Variants in SAMD13 observed in about 807,000 individuals in gnomAD.
The protein encoded by SAMD13 is sterile alpha motif domain-containing protein 13.
In SAMD13, 9 loss-of-function variants were observed where a neutral mutation model predicts 12.4. The ratio of observed to expected loss-of-function variants is 0.72; its 90% CI spans 0.44 to 1.26. The LOEUF is 1.26. SAMD13 is among the 50% of genes most tolerant of loss of function. SAMD13 has a pLI of 0.00. For missense variants in SAMD13, 84 were observed against 119.6 expected (o/e 0.70, Z 1.39); for synonymous variants, 46 against 45.4 (o/e 1.01, Z -0.05).
chr1:84,299,547 A>G (rs1475781064), upstream of SAMD13: 2 of 1,413,444 alleles, frequency 1.4e-6, no homozygotes, highest in African/African-American at 1.4e-5. Flanking sequence ...TACACCACAT[A>G]GTGCACACAT....
At chr1:84,345,447 T>C (rs1679515247) in intron 3 of SAMD13, among the ~76,000 whole-genome samples, 1 of 152,202 alleles carries the variant, frequency 6.6e-6, no homozygotes, top group Non-Finnish European at 1.5e-5. Context: ...CCAGATGTTG[T>C]GTAAGAACCT....
intron 2 of SAMD13, among the ~76,000 whole-genome samples, chr1:84,316,044 C>A (rs1051999919): frequency 6.6e-6 from 1 of 151,934 alleles, no homozygotes; most frequent in Non-Finnish European, 1.5e-5. Context: ...TTATGTCCTT[C>A]GACCATTTTT....
intron 3 of SAMD13, among the ~76,000 whole-genome samples, chr1:84,346,775 T>C (rs1679544296): frequency 6.6e-6 from 1 of 152,226 alleles, no homozygotes; most frequent in Non-Finnish European, 1.5e-5. Context: ...CAAGGAACTT[T>C]CCTGTGTGTA....
intron 3 of SAMD13, among the ~76,000 whole-genome samples, chr1:84,328,147 G>A (rs757922868): frequency 9.2e-5 from 14 of 152,276 alleles, no homozygotes; most frequent in Admixed American, 2.0e-4. Context: ...GGGGGCACAC[G>A]ATGGTCTCTG....
chr1:84,332,604 AG>A (rs749475841), intron 3 of SAMD13, among the ~76,000 whole-genome samples: 1 of 151,904 alleles, frequency 6.6e-6, no homozygotes, highest in Non-Finnish European at 1.5e-5. Flanking sequence ...TGTTGATTTA[AG>A]TTTCTTATAG....
At chr1:84,324,712 G>A (rs1679018774) in intron 2 of SAMD13, among the ~76,000 whole-genome samples, 1 of 152,154 alleles carries the variant, frequency 6.6e-6, no homozygotes, top group Non-Finnish European at 1.5e-5. Flanking sequence ...CTTGGATGAG[G>A]TATAGAGAAA....
chr1:84,305,680 G>C (rs966009671), intron 2 of SAMD13, among the ~76,000 whole-genome samples: 9 of 152,142 alleles, frequency 5.9e-5, no homozygotes, highest in African/African-American at 1.9e-4. Context: ...TTTGTTTGTA[G>C]TGTGAGATAA....
chr1:84,312,975 A>AT (rs1678747036), intron 2 of SAMD13, among the ~76,000 whole-genome samples: 2 of 152,152 alleles, frequency 1.3e-5, no homozygotes, highest in Non-Finnish European at 2.9e-5. Context: ...GCTCTGAATC[A>AT]TATAGATAGA....
chr1:84,337,260 C>T (rs1461043542), intron 3 of SAMD13, among the ~76,000 whole-genome samples: 1 of 152,170 alleles, frequency 6.6e-6, no homozygotes, highest in African/African-American at 2.4e-5. Context: ...GGAGCTCCCA[C>T]CCCACATTTC....
intron 3 of SAMD13, among the ~76,000 whole-genome samples, chr1:84,329,031 G>A (rs1051630771): frequency 6.6e-6 from 1 of 152,102 alleles, no homozygotes; most frequent in Non-Finnish European, 1.5e-5. Flanking sequence ...AAACTCTTAT[G>A]TTGAAAACCT....
At chr1:84,319,623 A>C (rs1011318005) in intron 2 of SAMD13, among the ~76,000 whole-genome samples, 2 of 142,178 alleles carry the variant, frequency 1.4e-5, no homozygotes, top group Admixed American at 7.0e-5. Flanking sequence ...TGACAGGAAA[A>C]GAAAAAAAAA....
At chr1:84,343,833 A>T (rs1461832009) in intron 3 of SAMD13, among the ~76,000 whole-genome samples, 1 of 152,210 alleles carries the variant, frequency 6.6e-6, no homozygotes, top group Non-Finnish European at 1.5e-5. Flanking sequence ...AAACCTGCAC[A>T]TCCTGCACAT....
At chr1:84,328,060 C>A (rs6675490) in intron 3 of SAMD13, among the ~76,000 whole-genome samples, 11,021 of 152,162 alleles carry the variant, frequency 0.072, 1,242 homozygotes, top group African/African-American at 0.24. Flanking sequence ...GGTCTCTTGG[C>A]CAGATTCCCA....
chr1:84,310,793 T>A (rs187211414), intron 2 of SAMD13, among the ~76,000 whole-genome samples: 54 of 152,304 alleles, frequency 3.5e-4, no homozygotes, highest in African/African-American at 1.3e-3. Flanking sequence ...TTTGCATAAA[T>A]TGATAAGCAA....
At chr1:84,328,666 G>GCATTTTACCA (rs1679110709) in intron 3 of SAMD13, among the ~76,000 whole-genome samples, 1 of 152,096 alleles carries the variant, frequency 6.6e-6, no homozygotes, top group Non-Finnish European at 1.5e-5. Context: ...ACACTACAGA[G>GCATTTTACCA]GGCATCAGCA....
intron 2 of SAMD13, among the ~76,000 whole-genome samples, chr1:84,307,789 C>T (rs1001592282): frequency 1.3e-5 from 2 of 152,100 alleles, no homozygotes; most frequent in Admixed American, 6.6e-5. Flanking sequence ...TGTGATAAGA[C>T]CCTTTTTTAT....
chr1:84,334,309 T>C (rs399308), intron 3 of SAMD13, among the ~76,000 whole-genome samples: 7,252 of 152,230 alleles, frequency 0.048, 230 homozygotes, highest in African/African-American at 0.089. Context: ...AATTTATCCA[T>C]TTCAACTAGG....
chr1:84,339,506 G>T (rs546358190), intron 3 of SAMD13, among the ~76,000 whole-genome samples: 1 of 152,106 alleles, frequency 6.6e-6, no homozygotes, highest in Non-Finnish European at 1.5e-5. Context: ...GGTTGGTACC[G>T]GGCCACAGCT....
chr1:84,348,820 G>A (rs1279689561), intron 3 of SAMD13, among the ~76,000 whole-genome samples: 3 of 152,180 alleles, frequency 2.0e-5, no homozygotes, highest in African/African-American at 7.2e-5. Flanking sequence ...TCAGCTGGCA[G>A]GGCCCTACCC....
Sources: allele counts gnomAD v4.1 joint callset (sites outside exome capture counted in the v4.1 genomes callset), GRCh38; gene constraint gnomAD v4.1.1; transcripts MANE v1.5; gene names NCBI Gene and HGNC (gene_info 2026-07-23, HGNC 2026-07-21).